Variants in MGST1 observed in about 807,000 individuals in gnomAD.
MGST1 encodes the protein microsomal glutathione S-transferase 1.
A neutral mutation model predicts 8.9 loss-of-function variants in MGST1; 5 were observed. The ratio of observed to expected loss-of-function variants is 0.56; its 90% CI spans 0.29 to 1.19. The LOEUF (loss-of-function observed/expected upper bound fraction) is 1.19, where lower values mean the gene tolerates loss of function less well. Ranked by LOEUF, MGST1 falls within the 50% of genes most tolerant of loss-of-function variation. MGST1 has a pLI of 0.08. For synonymous variants in MGST1, 54 were observed against 67.8 expected (o/e 0.80, Z 1.00); for missense variants, 182 against 187.4 (o/e 0.97, Z 0.17).
At chr12:16,454,849 AT>A (rs1424661752) in intron 4 of MGST1, among the ~76,000 whole-genome samples, 2 of 145,588 alleles carry the variant, frequency 1.4e-5, no homozygotes, top group African/African-American at 5.1e-5. Flanking sequence ...ATGTAAAAAA[AT>A]CATCAGTAAG....
intron 4 of MGST1, among the ~76,000 whole-genome samples, chr12:16,535,521 A>G (rs1285849094): frequency 6.6e-6 from 1 of 152,220 alleles, no homozygotes; most frequent in Non-Finnish European, 1.5e-5. Flanking sequence ...AAAAACAGAG[A>G]TAGTCAAACT....
intron 4 of MGST1, among the ~76,000 whole-genome samples, chr12:16,566,012 ATATATAT>A (rs1942590463): frequency 2.5e-5 from 2 of 78,520 alleles, no homozygotes; most frequent in Non-Finnish European, 5.3e-5. Context: ...ATATATATAT[ATATATAT>A]ATATATATAT....
Position 16,362,794 on chromosome 12 carries a change from T to G in MGST1, c.222-1001T>G, listed in dbSNP as rs893648527. On this transcript the variant is annotated intron_variant, in intron 3 of 3. Coordinates refer to ENST00000396210, the MANE Select transcript of MGST1 (RefSeq NM_020300.5). The surrounding 1 kb of genome is among the most constrained non-coding windows in gnomAD (Gnocchi z 4.4). The stretch of plus-strand genomic sequence containing the variant: ...AAGACCCCATCTCTAAAAAGAAAAT[T>G]TAAAAAATTAGCCAGGCATGGTGGT... 6 of 151,904 alleles carry G rather than the reference T, an allele frequency of 3.9e-5. No individual in the cohort carries two copies. Among genetic ancestry groups the G allele is most frequent in the African/African-American group, 1.5e-4 (6 of 41,296 alleles). 9.4% of individuals were successfully genotyped at this position (151,904 alleles called of 1,614,324 possible).
intron 4 of MGST1, among the ~76,000 whole-genome samples, chr12:16,474,117 A>G (rs1046521089): frequency 8.5e-5 from 13 of 152,222 alleles, no homozygotes; most frequent in Admixed American, 8.5e-4. Flanking sequence ...CTGTGAATGT[A>G]GACATGATGA....
At chr12:16,421,067 G>GCGGCCATCTCTT (rs2137083863) in intron 1 of MGST1, among the ~76,000 whole-genome samples, 1 of 152,102 alleles carries the variant, frequency 6.6e-6, no homozygotes, top group South Asian at 2.1e-4. Context: ...CCCATCCTTG[G>GCGGCCATCTCTT]CGGCCATCTC....
chr12:16,451,607 T>TA (rs918673586), intron 4 of MGST1, among the ~76,000 whole-genome samples: 1 of 151,762 alleles, frequency 6.6e-6, no homozygotes, highest in Non-Finnish European at 1.5e-5. Flanking sequence ...AGAAAACCTG[T>TA]AAAAAACAAA....
In MGST1 at chr12:16,410,880, A is replaced by T. The variant is rs544545468; in HGVS notation, n.779-26508A>T. ...TTTTTTCCCAAGATGTTCCAGAATC[A>T]CTATTTCTCTTGCTTTTGTACCCTG... is the stretch of plus-strand genomic sequence containing the variant. On this transcript the variant is annotated intron_variant and non_coding_transcript_variant, in intron 1 of 1. Transcript: ENST00000359720. This position sits in a 1 kb window ranked among gnomAD's most constrained non-coding sequence, Gnocchi z 4.4. 3.9e-5 allele frequency among the ~76,000 whole-genome samples: 6 copies of T among 152,074 alleles called. No homozygotes were observed. Among genetic ancestry groups the T allele is most frequent in the African/African-American group, 1.4e-4 (6 of 41,524 alleles).
chr12:16,428,087 A>G (rs1211585174), intron 1 of MGST1, among the ~76,000 whole-genome samples: 4 of 151,714 alleles, frequency 2.6e-5, no homozygotes, highest in African/African-American at 9.7e-5. Flanking sequence ...TATTTTCCCA[A>G]TCTCTTCAAA....
At chr12:16,360,210 T>G (rs1939925268) in intron 3 of MGST1, 1 of 350,450 alleles carries the variant, frequency 2.9e-6, no homozygotes, top group Non-Finnish European at 4.0e-6. Context: ...AACACACTTT[T>G]GGAGACACTT....
rs1941591567 is a variant in MGST1 at position 16,513,631 on chromosome 12, GAGGCCCAGATTGCAGCCA to G, written n.483-75895_483-75878del. On this transcript the variant is annotated intron_variant and non_coding_transcript_variant, in intron 4 of 4. Coordinates refer to the MGST1 transcript ENST00000538857. This position sits in a 1 kb window ranked among gnomAD's most constrained non-coding sequence, Gnocchi z 4.2. Reference sequence around the variant, plus strand: ...AAAGCCTTACAGCATCCACAAGGCAGAGGCCCAGATTGCAGCCAAAAATTTGGACGAGGACTACCTCTC... The same window carrying G: ...AAAGCCTTACAGCATCCACAAGGCAGAAAATTTGGACGAGGACTACCTCTC... 2.0e-6 allele frequency: 1 copy of G among 495,950 alleles called. No individual in the cohort carries two copies. The allele number at this position is 495,950 out of a possible 1,614,324, so 30.7% of individuals were successfully genotyped here.
chr12:16,408,295 CAAAAT>C (rs1940713664), intron 1 of MGST1, among the ~76,000 whole-genome samples: 1 of 152,010 alleles, frequency 6.6e-6, no homozygotes, highest in Non-Finnish European at 1.5e-5. Flanking sequence ...ACCTGGGTGA[CAAAAT>C]AATCTGTGCA....
At chr12:16,556,637 A>G (rs772296271) in intron 4 of MGST1, among the ~76,000 whole-genome samples, 3 of 152,204 alleles carry the variant, frequency 2.0e-5, no homozygotes, top group Non-Finnish European at 4.4e-5. Context: ...GTTTCACTTG[A>G]AAAGTGCAAT....
At chr12:16,444,756 T>C (rs959952462) in intron 4 of MGST1, among the ~76,000 whole-genome samples, 2 of 151,928 alleles carry the variant, frequency 1.3e-5, no homozygotes, top group Non-Finnish European at 2.9e-5. Context: ...TTTTTGTTCC[T>C]GCTTAGGGCA....
downstream of MGST1, among the ~76,000 whole-genome samples, chr12:16,591,818 A>C (rs186813844): frequency 1.9e-3 from 284 of 152,186 alleles, 3 homozygotes; most frequent in Admixed American, 5.9e-3. This position sits in a 1 kb window ranked among gnomAD's most constrained non-coding sequence, Gnocchi z 4.1. Context: ...TCATAAGAGG[A>C]CCACTGGCTT....
chr12:16,452,985 T>G (rs948110654), intron 4 of MGST1, among the ~76,000 whole-genome samples: 1 of 151,984 alleles, frequency 6.6e-6, no homozygotes, highest in South Asian at 2.1e-4. Flanking sequence ...TATATTTTCT[T>G]AAATTTGATT....
intron 1 of MGST1, among the ~76,000 whole-genome samples, chr12:16,427,120 A>G (rs12828187): frequency 1.1e-4 from 16 of 152,226 alleles, no homozygotes; most frequent in African/African-American, 3.6e-4. Flanking sequence ...GGCAATAAAG[A>G]CTTTAAACAA....
chr12:16,412,966 G>A (rs569668635), intron 1 of MGST1, among the ~76,000 whole-genome samples: 99 of 152,212 alleles, frequency 6.5e-4, no homozygotes, highest in African/African-American at 2.3e-3. Context: ...GATTCAAGAA[G>A]GACTCAGAAT....
chr12:16,417,514 C>G (rs897510113), intron 1 of MGST1, among the ~76,000 whole-genome samples: 1 of 152,022 alleles, frequency 6.6e-6, no homozygotes, highest in Non-Finnish European at 1.5e-5. Flanking sequence ...AAACTAGTAC[C>G]CTCCTCCAGG....
chr12:16,452,567 T>A (rs1344239378), intron 4 of MGST1, among the ~76,000 whole-genome samples: 1 of 151,836 alleles, frequency 6.6e-6, no homozygotes, highest in African/African-American at 2.4e-5. Context: ...ATACTTGTAT[T>A]GAGATACTCG....
Sources: gnomAD v4.1 joint callset for allele counts (sites outside exome capture counted in the v4.1 genomes callset) on GRCh38, gnomAD v4.1.1 for gene constraint, Gnocchi (gnomAD v3.1) non-coding constraint, MANE v1.5 for transcripts, NCBI Gene and HGNC (gene_info 2026-07-23, HGNC 2026-07-21) for gene names.